The following LRRTM3 variants were observed in gnomAD, a reference collection of about 807,000 sequenced individuals.
The protein encoded by LRRTM3 is leucine rich repeat transmembrane neuronal 3, also known as leucine-rich repeat transmembrane neuronal protein 3.
In LRRTM3, 24 loss-of-function variants were observed where a neutral mutation model predicts 44.7. The ratio of observed to expected loss-of-function variants is 0.54; its 90% CI spans 0.39 to 0.76. The LOEUF is 0.76. LRRTM3 is among the 30% of genes least tolerant of loss of function. The pLI is 0.00. For synonymous variants in LRRTM3, 277 were observed against 278.7 expected (o/e 0.99, Z 0.06); for missense variants, 587 against 702.2 (o/e 0.84, Z 1.85).
At chr10:67,024,407 C>T (rs965621239) in intron 2 of LRRTM3, among the ~76,000 whole-genome samples, 3 of 152,184 alleles carry the variant, frequency 2.0e-5, no homozygotes, top group Non-Finnish European at 4.4e-5. Context: ...GTATCATTTC[C>T]CTATCTCAAA....
chr10:66,962,568 C>A (rs1849174009), intron 2 of LRRTM3, among the ~76,000 whole-genome samples: 1 of 151,932 alleles, frequency 6.6e-6, no homozygotes, highest in African/African-American at 2.4e-5. Context: ...TGCCACCACA[C>A]CCAGATAATT....
chr10:67,033,713 G>A (rs1038254504), intron 2 of LRRTM3, among the ~76,000 whole-genome samples: 4 of 152,158 alleles, frequency 2.6e-5, no homozygotes, highest in African/African-American at 9.7e-5. Context: ...GTGGAACTCA[G>A]ATTCAAACCC....
At chr10:67,004,839 A>G (rs1851880288) in intron 2 of LRRTM3, among the ~76,000 whole-genome samples, 1 of 152,218 alleles carries the variant, frequency 6.6e-6, no homozygotes, top group African/African-American at 2.4e-5. Context: ...ATATACAACT[A>G]TGTATGTTCA....
intron 2 of LRRTM3, among the ~76,000 whole-genome samples, chr10:67,073,335 A>T (rs770329101): frequency 6.6e-6 from 1 of 152,224 alleles, no homozygotes; most frequent in Non-Finnish European, 1.5e-5. Context: ...AAATTTTGAA[A>T]CCTGGAACAG....
chr10:67,022,870 G>A (rs955411156), intron 2 of LRRTM3, among the ~76,000 whole-genome samples: 2 of 152,022 alleles, frequency 1.3e-5, no homozygotes, highest in African/African-American at 2.4e-5. Context: ...CCCGGGTGGC[G>A]GAGGTTGCAG....
chr10:67,093,119 GA>G (rs1397097662), intron 2 of LRRTM3, among the ~76,000 whole-genome samples: 39 of 151,926 alleles, frequency 2.6e-4, no homozygotes, highest in Non-Finnish European at 4.7e-4. Flanking sequence ...AATTCATGGA[GA>G]GAAACTTAAT....
intron 2 of LRRTM3, among the ~76,000 whole-genome samples, chr10:67,017,853 T>G (rs1204172248): frequency 6.6e-6 from 1 of 151,982 alleles, no homozygotes; most frequent in Non-Finnish European, 1.5e-5. Flanking sequence ...CACTGCAACC[T>G]CCGCCTCCAG....
intron 2 of LRRTM3, among the ~76,000 whole-genome samples, chr10:66,963,040 A>G (rs572255083): frequency 3.9e-5 from 6 of 152,292 alleles, no homozygotes; most frequent in Non-Finnish European, 7.4e-5. Flanking sequence ...ACATTTATCC[A>G]TTGCAGTAAG....
intron 2 of LRRTM3, among the ~76,000 whole-genome samples, chr10:66,981,591 T>C (rs1850446520): frequency 6.6e-6 from 1 of 152,262 alleles, no homozygotes; most frequent in Non-Finnish European, 1.5e-5. Flanking sequence ...AATCTAAATC[T>C]GCAGCTGTTT....
rs1855018848 is a variant in LRRTM3 at position 67,050,489 on chromosome 10, G to A, written c.1537-47098G>A. Among the ~76,000 whole-genome samples the A allele has an allele frequency of 3.9e-5, 6 of 152,104 alleles. 1 individual carries two copies. The South Asian group carries it at 1.2e-3, about 32-fold the overall frequency. On this transcript the variant is annotated intron_variant, in intron 2 of 2. Coordinates refer to ENST00000361320, the MANE Select transcript of LRRTM3 (RefSeq NM_178011.5). ...TTCAGCTTAGATTGCAGAACAGACA[G>A]GGAGCTTAAACAGCAGGCTCTGACT...
chr10:66,957,944 G>A (rs1848908945), intron 2 of LRRTM3, among the ~76,000 whole-genome samples: 1 of 152,056 alleles, frequency 6.6e-6, no homozygotes. Context: ...ACCAGAAGCA[G>A]TGAGAGGGCC....
chr10:66,935,215 G>C (rs1847627579), intron 2 of LRRTM3, among the ~76,000 whole-genome samples: 1 of 152,090 alleles, frequency 6.6e-6, no homozygotes, highest in Non-Finnish European at 1.5e-5. Flanking sequence ...GAAACTTGTA[G>C]AATGCATCAT....
intron 2 of LRRTM3, among the ~76,000 whole-genome samples, chr10:66,929,279 A>G (rs1017815439): frequency 1.3e-5 from 2 of 152,140 alleles, no homozygotes. Context: ...TCTCCACCAC[A>G]CCTCACATTA....
At chr10:67,024,055 C>A (rs1188913203) in intron 2 of LRRTM3, among the ~76,000 whole-genome samples, 1 of 152,224 alleles carries the variant, frequency 6.6e-6, no homozygotes, top group East Asian at 1.9e-4. Context: ...TTATTATCTT[C>A]CGGAGGACAG....
intron 2 of LRRTM3, among the ~76,000 whole-genome samples, chr10:67,083,623 C>A (rs1256847578): frequency 6.6e-6 from 1 of 152,146 alleles, no homozygotes; most frequent in Non-Finnish European, 1.5e-5. Context: ...ACAGTGATAG[C>A]AGTTTCACAA....
chr10:66,944,321 C>A (rs1344904799), intron 2 of LRRTM3, among the ~76,000 whole-genome samples: 1 of 152,200 alleles, frequency 6.6e-6, no homozygotes, highest in Non-Finnish European at 1.5e-5. Context: ...TAAGCAGCAA[C>A]TCCTCATCCA....
At chr10:66,991,959 C>T (rs1052767696) in intron 2 of LRRTM3, among the ~76,000 whole-genome samples, 2 of 152,270 alleles carry the variant, frequency 1.3e-5, no homozygotes, top group Non-Finnish European at 2.9e-5. Flanking sequence ...TTTCAGTGTT[C>T]TGTCTTGGGT....
chr10:66,942,576 CTG>C (rs1189059770), intron 2 of LRRTM3, among the ~76,000 whole-genome samples: 1 of 140,252 alleles, frequency 7.1e-6, no homozygotes. Flanking sequence ...CTCTCTCTCT[CTG>C]TGTGTGTGTA....
chr10:66,980,545 C>CG (rs1850366624), intron 2 of LRRTM3, among the ~76,000 whole-genome samples: 1 of 148,280 alleles, frequency 6.7e-6, no homozygotes, highest in African/African-American at 2.5e-5. Flanking sequence ...GAACAGGAAC[C>CG]AAAACTATTG....
Sources: gnomAD v4.1 joint callset for allele counts (sites outside exome capture counted in the v4.1 genomes callset) on GRCh38, gnomAD v4.1.1 for gene constraint, MANE v1.5 for transcripts, NCBI Gene and HGNC (gene_info 2026-07-23, HGNC 2026-07-21) for gene names.